CENPI: variants seen among roughly 807,000 people sequenced by gnomAD.
The protein encoded by CENPI is FSH primary response 1.
CENPI carries 4 observed loss-of-function variants against 60.4 expected under a neutral mutation model. That is an observed-to-expected ratio of 0.07 (90% CI 0.03 to 0.15). The LOEUF (loss-of-function observed/expected upper bound fraction) is 0.15, where lower values mean the gene tolerates loss of function less well. Ranked by LOEUF, CENPI falls within the 10% of genes least tolerant of loss-of-function variation. CENPI has a pLI of 1.00. For synonymous variants in CENPI, 157 were observed against 189.4 expected, an observed-to-expected ratio of 0.83 and a Z score of 1.40; for missense variants, 444 against 534.5, an observed-to-expected ratio of 0.83 and a Z score of 1.67.
intron 12 of CENPI, among the ~76,000 whole-genome samples, chrX:101,129,210 T>C (rs1314661349): frequency 2.7e-5 from 3 of 111,702 alleles, no homozygotes; most frequent in Admixed American, 9.6e-5. Flanking sequence ...TAAAATTAAT[T>C]ATTTCTGGTA....
chrX:101,116,024 T>C (rs2089618709), intron 6 of CENPI, among the ~76,000 whole-genome samples: 1 of 112,054 alleles, frequency 8.9e-6, no homozygotes, highest in Admixed American at 9.6e-5. Flanking sequence ...CTACTTCATA[T>C]ATATGCAGTC....
At chrX:101,140,101 G>T (rs1475980447) in intron 15 of CENPI, among the ~76,000 whole-genome samples, 3 of 112,139 alleles carry the variant, frequency 2.7e-5, no homozygotes, top group Non-Finnish European at 5.6e-5. Context: ...CTCCCAAAGT[G>T]CTGGGATTAC....
chrX:101,161,499 GT>G (rs1229592238), intron 20 of CENPI, 28 bp from the exon 21 acceptor site: 4 of 1,195,610 alleles, frequency 3.3e-6, no homozygotes, highest in Non-Finnish European at 4.5e-6. Flanking sequence ...GTTTTGCTTT[GT>G]TTTGTTTTTT....
intron 21 of CENPI, 125 bp from the exon 22 acceptor site, chrX:101,162,708 C>T: frequency 1.4e-6 from 1 of 700,610 alleles, no homozygotes; most frequent in Non-Finnish European, 2.2e-6. Context: ...GCTCATTTCC[C>T]CCCCGAACTA....
chrX:101,105,440 C>T (rs977822961), intron 4 of CENPI, among the ~76,000 whole-genome samples: 1 of 111,775 alleles, frequency 8.9e-6, no homozygotes, highest in Non-Finnish European at 1.9e-5. Context: ...AGGAGAATGG[C>T]GTGAACCCAG....
intron 16 of CENPI, among the ~76,000 whole-genome samples, chrX:101,143,526 T>A (rs1298512913): frequency 7.2e-5 from 8 of 111,884 alleles, no homozygotes; most frequent in African/African-American, 2.3e-4. Context: ...GAAAAAAAAA[T>A]ATACATATAT....
chrX:101,143,196 C>T (rs1602835541), intron 16 of CENPI, among the ~76,000 whole-genome samples: 1 of 110,330 alleles, frequency 9.1e-6, no homozygotes, highest in East Asian at 2.8e-4. Context: ...TGGTGGTGGG[C>T]AGTAGTAGAG....
intron 20 of CENPI, among the ~76,000 whole-genome samples, chrX:101,155,233 A>G (rs1020868602): frequency 1.5e-4 from 17 of 111,397 alleles, no homozygotes; most frequent in South Asian, 1.2e-3. Context: ...CTTCTTGCCC[A>G]GGCTGGAGTG....
chrX:101,171,748 C>CATAGGAGT, the CENPI span, among the ~76,000 whole-genome samples: 2 of 111,907 alleles, frequency 1.8e-5, no homozygotes, highest in East Asian at 2.8e-4. Flanking sequence ...TTAGATAAAA[C>CATAGGAGT]ATAGGAGTAT....
At chrX:101,171,367 G>A in the CENPI span, among the ~76,000 whole-genome samples, 3 of 111,609 alleles carry the variant, frequency 2.7e-5, no homozygotes, top group African/African-American at 9.8e-5. Context: ...GAATCCAGTT[G>A]GGTCTCTGTG....
chrX:101,180,547 G>A, the CENPI span, among the ~76,000 whole-genome samples: 1 of 111,983 alleles, frequency 8.9e-6, no homozygotes, highest in Admixed American at 9.5e-5. Flanking sequence ...CAAATAGCAG[G>A]TTATCTGTAT....
intron 18 of CENPI, 49 bp downstream of exon 18, chrX:101,146,326 C>T (rs778050209): frequency 9.2e-7 from 1 of 1,085,877 alleles, no homozygotes; most frequent in Admixed American, 2.5e-5. Context: ...ATAATTCTCT[C>T]TTCCTCTTTC....
At chrX:101,105,727 A>G (rs970525294) in intron 4 of CENPI, among the ~76,000 whole-genome samples, 6 of 111,412 alleles carry the variant, frequency 5.4e-5, no homozygotes, top group Middle Eastern at 9.3e-3. Context: ...GGTGCGTGCC[A>G]CTGCACCCAG....
intron 16 of CENPI, 66 bp from the exon 17 acceptor site, chrX:101,144,998 C>A: frequency 1.1e-6 from 1 of 951,179 alleles, no homozygotes; most frequent in Non-Finnish European, 1.4e-6. Flanking sequence ...TATTATTCAG[C>A]TTTAGCTTGG....
chrX:101,140,065 T>A (rs1349899648), intron 15 of CENPI, among the ~76,000 whole-genome samples: 1 of 111,477 alleles, frequency 9.0e-6, no homozygotes, highest in South Asian at 3.7e-4. Context: ...CTCGATCTGC[T>A]GACCTTCTGA....
chrX:101,098,973 T>C (rs1414690655), intron 2 of CENPI: 2 of 111,988 alleles, frequency 1.8e-5, no homozygotes, highest in African/African-American at 6.5e-5. Flanking sequence ...TCTGACTTCA[T>C]CGCTCATTAC....
In CENPI at chrX:101,162,469, A is replaced by ATATATAT. The variant is rs1204721257; in HGVS notation, c.2137-364_2137-363insTATATAT. On this transcript the variant is annotated intron_variant, in intron 21 of 21. Coordinates refer to ENST00000682095, the MANE Select transcript of CENPI (RefSeq NM_001386188.2). ...AAACCGTATCTCAAAAAAAAAAAAA[A>ATATATAT]AAAAATATATATATATATATATAAT... 3.0e-3 allele frequency among the ~76,000 whole-genome samples: 254 copies of ATATATAT among 83,957 alleles called. 1 individual carries two copies. The highest frequency in any genetic ancestry group is 0.014 in the African/African-American group (248 of 17,752). The allele number at this position is 83,957 out of a possible 115,157, so 72.9% of individuals were successfully genotyped here.
chrX:101,129,861 T>C, intron 12 of CENPI, 121 bp from the exon 13 acceptor site: 1 of 482,066 alleles, frequency 2.1e-6, no homozygotes, highest in Non-Finnish European at 3.7e-6. Flanking sequence ...ATGAGTTAGC[T>C]AGGATGTATG....
intron 15 of CENPI, among the ~76,000 whole-genome samples, chrX:101,139,660 A>G: frequency 9.0e-6 from 1 of 111,298 alleles, no homozygotes; most frequent in East Asian, 2.8e-4. Context: ...GCACTCTATT[A>G]CTGGAAACAC....
Sources: gnomAD v4.1 joint callset for allele counts (sites outside exome capture counted in the v4.1 genomes callset) on GRCh38, gnomAD v4.1.1 for gene constraint, MANE v1.5 for transcripts, NCBI Gene and HGNC (gene_info 2026-07-23, HGNC 2026-07-21) for gene names.